ENPEP: variants seen among roughly 807,000 people sequenced by gnomAD.
The protein encoded by ENPEP is glutamyl aminopeptidase, also known as AP-A.
A neutral mutation model predicts 114.5 loss-of-function variants in ENPEP; 103 were observed. That is an observed-to-expected ratio of 0.90 (90% confidence interval 0.77 to 1.06). The LOEUF (loss-of-function observed/expected upper bound fraction) is 1.06, where lower values mean the gene tolerates loss of function less well. Among genes scored for constraint, ENPEP ranks in the 50% least tolerant of loss-of-function variants. The probability of loss-of-function intolerance (pLI) is 0.00; values close to 1 mark genes in which losing one functional copy is unlikely to be tolerated. For missense variants in ENPEP, 1,196 were observed against 1,161.3 expected, an observed-to-expected ratio of 1.03 and a Z score of -0.43; for synonymous variants, 420 against 422.0, an observed-to-expected ratio of 1.00 and a Z score of 0.06.
At chr4:110,545,552 C>T (rs1191101608) in intron 13 of ENPEP, among the ~76,000 whole-genome samples, 1 of 152,014 alleles carries the variant, frequency 6.6e-6, no homozygotes, top group Admixed American at 6.6e-5. Flanking sequence ...TCTCCCGAGT[C>T]ACCGTGCTGC....
intron 1 of ENPEP, among the ~76,000 whole-genome samples, chr4:110,477,615 G>A (rs919307610): frequency 1.6e-4 from 25 of 152,176 alleles, no homozygotes; most frequent in Admixed American, 4.6e-4. Flanking sequence ...AAGGAAGACA[G>A]GACTGTGTTT....
chr4:110,560,112 A>G (rs1727630060), intron 19 of ENPEP, among the ~76,000 whole-genome samples: 1 of 152,200 alleles, frequency 6.6e-6, no homozygotes, highest in South Asian at 2.1e-4. Flanking sequence ...GTCCCTGCAA[A>G]GGACATGAAC....
chr4:110,557,601 G>A (rs1727524367), intron 18 of ENPEP, among the ~76,000 whole-genome samples: 1 of 152,178 alleles, frequency 6.6e-6, no homozygotes, highest in African/African-American at 2.4e-5. Flanking sequence ...GAGAAGTAGT[G>A]TTCCCTGTAA....
At chr4:110,549,119 A>G (rs530778627) in intron 14 of ENPEP, among the ~76,000 whole-genome samples, 2 of 152,218 alleles carry the variant, frequency 1.3e-5, no homozygotes, top group South Asian at 2.1e-4. Context: ...GGCCTTACCC[A>G]AAGTTTTATA....
At chr4:110,504,787 G>A (rs1725307784) in intron 3 of ENPEP, among the ~76,000 whole-genome samples, 1 of 152,192 alleles carries the variant, frequency 6.6e-6, no homozygotes, top group Admixed American at 6.5e-5. Flanking sequence ...CTGCTTAAAG[G>A]GAGTTCATTT....
chr4:110,513,965 C>T (rs900892243), intron 7 of ENPEP, among the ~76,000 whole-genome samples: 12 of 152,128 alleles, frequency 7.9e-5, no homozygotes, highest in Middle Eastern at 3.4e-3. Context: ...ACATTTAAAT[C>T]CAACTCAGAA....
chr4:110,521,523 C>A (rs113751488), intron 10 of ENPEP, among the ~76,000 whole-genome samples: 147 of 152,074 alleles, frequency 9.7e-4, no homozygotes, highest in African/African-American at 3.4e-3. Flanking sequence ...ACAAAGATCA[C>A]AAGATACATG....
intron 8 of ENPEP, chr4:110,519,003 A>T: frequency 2.2e-6 from 1 of 445,180 alleles, no homozygotes; most frequent in South Asian, 1.6e-5. Flanking sequence ...TTATTAAGAT[A>T]TGATGAATGA....
chr4:110,501,431 C>G (rs1725152772), intron 3 of ENPEP, among the ~76,000 whole-genome samples: 1 of 152,152 alleles, frequency 6.6e-6, no homozygotes, highest in Non-Finnish European at 1.5e-5. Context: ...TTCTCACCCT[C>G]CTCCCTCTCT....
At chr4:110,507,317 G>T (rs1281086322) in intron 4 of ENPEP, among the ~76,000 whole-genome samples, 1 of 152,108 alleles carries the variant, frequency 6.6e-6, no homozygotes, top group Admixed American at 6.5e-5. Flanking sequence ...AGCAAAAGTG[G>T]GGCTACAACC....
intron 7 of ENPEP, among the ~76,000 whole-genome samples, chr4:110,514,632 G>T (rs781410805): frequency 2.6e-5 from 4 of 151,958 alleles, no homozygotes; most frequent in Admixed American, 1.3e-4. Context: ...TAGGCCTTTA[G>T]CTTTCTAAAT....
intron 3 of ENPEP, among the ~76,000 whole-genome samples, chr4:110,497,617 C>T (rs193168195): frequency 8.5e-5 from 13 of 152,170 alleles, no homozygotes; most frequent in Admixed American, 7.9e-4. Context: ...ACCTAATGGC[C>T]GTGCTGAGTT....
rs544703005 is a variant in ENPEP, at chr4:110,554,496, T to G, written c.2642+1041T>G. On this transcript the variant is annotated intron_variant, in intron 18 of 19. Transcript: ENST00000265162. Reference sequence around the variant, plus strand: ...CTTTTCTATTCTTGTAACTATTGAGTGTCACTGTTCACCCATCTCTATGAA... The same window carrying G: ...CTTTTCTATTCTTGTAACTATTGAGGGTCACTGTTCACCCATCTCTATGAA... Among the ~76,000 whole-genome samples the G allele has an allele frequency of 4.6e-5, 7 of 152,072 alleles. No individual in the cohort carries two copies. The East Asian group carries it at 1.4e-3, about 29-fold the overall frequency.
At chr4:110,481,357 G>T (rs186310287) in intron 1 of ENPEP, among the ~76,000 whole-genome samples, 39 of 151,642 alleles carry the variant, frequency 2.6e-4, no homozygotes, top group African/African-American at 9.2e-4. Flanking sequence ...TCAGCTTTCC[G>T]AGTAGCTGGG....
At chr4:110,529,816 G>A (rs1450030687) in intron 10 of ENPEP, among the ~76,000 whole-genome samples, 1 of 152,204 alleles carries the variant, frequency 6.6e-6, no homozygotes, top group Admixed American at 6.5e-5. Context: ...GCTTATGCCT[G>A]TAATCCCAGC....
At position 110,548,236 on chromosome 4, in the gene ENPEP, G is replaced by T. The variant is rs763798263; in HGVS notation, c.2061G>T (p.Glu687Asp). ...LNLTKYLKRE[E>D]NFLPWQRVIS... ...TGACCAAGTATCTCAAAAGGGAAGA[G>T]AATTTTTTACCATGGCAGAGAGTAA... The change falls in exon 14 of 20, where the codon GAG (glutamate) becomes GAT (aspartate). Residue 687 changes from glutamate to aspartate, a missense_variant. Transcript: ENST00000265162. The T allele has an allele frequency of 1.4e-5, 22 of 1,561,160 alleles. No homozygotes were observed. The highest frequency in any genetic ancestry group is 1.8e-5 in the Non-Finnish European group (21 of 1,154,516).
rs375571815 is a variant in ENPEP at position 110,548,166 on chromosome 4, T to G, written c.2001-10T>G. The stretch of plus-strand genomic sequence containing the variant: ...TTTTTTTTTTTTTTTTTTTTTTTTG[T>G]CTTTCTCAGAGCTCAACTTCTAGAT... On this transcript the variant is annotated splice_polypyrimidine_tract_variant and intron_variant, in intron 13 of 19. Transcript: ENST00000265162. The G allele has an allele frequency of 8.6e-6, 10 of 1,160,578 alleles. No individual in the cohort carries two copies. In the African/African-American group the frequency reaches 2.5e-4, roughly 29 times the overall value. 71.9% of individuals were successfully genotyped at this position (1,160,578 alleles called of 1,614,324 possible). A position where few individuals can be genotyped will look rare whatever the true frequency, so the allele number is the denominator to read the frequency against.
At chr4:110,485,962 G>C (rs1724485923) in intron 1 of ENPEP, among the ~76,000 whole-genome samples, 1 of 152,098 alleles carries the variant, frequency 6.6e-6, no homozygotes, top group Non-Finnish European at 1.5e-5. Context: ...TGTCCACCAA[G>C]CGTCTCCATT....
chr4:110,554,044 G>C (rs1354334307), intron 18 of ENPEP, among the ~76,000 whole-genome samples: 1 of 151,966 alleles, frequency 6.6e-6, no homozygotes, highest in Non-Finnish European at 1.5e-5. Context: ...CCTCAGGCCC[G>C]TGCAGAAGAA....
Sources: allele counts gnomAD v4.1 joint callset (sites outside exome capture counted in the v4.1 genomes callset), GRCh38; gene constraint gnomAD v4.1.1; transcripts MANE v1.5; gene names NCBI Gene and HGNC (gene_info 2026-07-23, HGNC 2026-07-21).